SLC8A1: variants seen among roughly 807,000 people sequenced by gnomAD.
The protein encoded by SLC8A1 is solute carrier family 8 member A1.
In SLC8A1, 18 loss-of-function variants were observed where a neutral mutation model predicts 68.3. That is an observed-to-expected ratio of 0.26 (90% CI 0.18 to 0.39). The LOEUF (loss-of-function observed/expected upper bound fraction) is 0.39. SLC8A1 is among the 10% of genes least tolerant of loss of function. The probability of loss-of-function intolerance (pLI) is 1.00; values close to 1 mark genes in which losing one functional copy is unlikely to be tolerated. For synonymous variants in SLC8A1, 475 were observed against 415.5 expected, an observed-to-expected ratio of 1.14 and a Z score of -1.74; for missense variants, 985 against 1,156.7, an observed-to-expected ratio of 0.85 and a Z score of 2.15.
At chr2:40,207,991 T>G (rs186529705) in intron 2 of SLC8A1, among the ~76,000 whole-genome samples, 2,184 of 152,168 alleles carry the variant, frequency 0.014, 60 homozygotes, top group African/African-American at 0.05. Flanking sequence ...CAGACCTCCT[T>G]CACAGCCACA....
chr2:40,327,131 C>G (rs1361754570), intron 2 of SLC8A1, among the ~76,000 whole-genome samples: 1 of 152,198 alleles, frequency 6.6e-6, no homozygotes, highest in Non-Finnish European at 1.5e-5. Flanking sequence ...TTCAATCTTT[C>G]TCATATGCAT....
chr2:40,293,238 A>G (rs536060971), intron 2 of SLC8A1, among the ~76,000 whole-genome samples: 3 of 152,316 alleles, frequency 2.0e-5, no homozygotes, highest in Admixed American at 1.3e-4. Flanking sequence ...TGGTTCATCT[A>G]AAAGTCTCAC....
chr2:40,401,738 A>T (rs1401300507), intron 2 of SLC8A1, among the ~76,000 whole-genome samples: 4 of 151,996 alleles, frequency 2.6e-5, no homozygotes, highest in African/African-American at 7.2e-5. Flanking sequence ...CTATATCCCA[A>T]GTTTATGGGG....
intron 2 of SLC8A1, among the ~76,000 whole-genome samples, chr2:40,357,173 A>C (rs1000415721): frequency 6.6e-6 from 1 of 152,184 alleles, no homozygotes; most frequent in Admixed American, 6.5e-5. Flanking sequence ...CATGGAAAAA[A>C]CATTCAAAAA....
chr2:40,125,967 G>C (rs557966105), intron 7 of SLC8A1, among the ~76,000 whole-genome samples: 23 of 152,238 alleles, frequency 1.5e-4, no homozygotes, highest in Non-Finnish European at 1.5e-4. Flanking sequence ...ACTATCTGCT[G>C]TGCCTGACAA....
intron 7 of SLC8A1, among the ~76,000 whole-genome samples, chr2:40,122,201 C>T (rs1228091706): frequency 3.4e-5 from 5 of 146,116 alleles, no homozygotes; most frequent in East Asian, 4.2e-4. Context: ...AGTGCATGCG[C>T]GCGCGCACAC....
chr2:40,430,088 C>T (rs1697902992), exon 2 of SLC8A1: 1 of 1,613,770 alleles, frequency 6.2e-7, no homozygotes, highest in Non-Finnish European at 8.5e-7. Context: ...TCTTGGGGTT[C>T]CCAAATGGGC....
chr2:40,371,874 C>T (rs1447842131), intron 2 of SLC8A1, among the ~76,000 whole-genome samples: 3 of 152,022 alleles, frequency 2.0e-5, no homozygotes, highest in Admixed American at 6.6e-5. Context: ...TACGGTTTTA[C>T]AACAGAACCA....
At chr2:40,287,923 A>G (rs1321998207) in intron 2 of SLC8A1, among the ~76,000 whole-genome samples, 3 of 152,210 alleles carry the variant, frequency 2.0e-5, no homozygotes, top group East Asian at 1.9e-4. Context: ...AAGAACACGC[A>G]CGTTATGAGA....
rs148482753 is a variant in SLC8A1 at position 40,434,643 on chromosome 2, T to A, written c.-24-4339A>T. 1.3e-3 allele frequency among the ~76,000 whole-genome samples: 205 copies of A among 152,312 alleles called. 2 individuals carry two copies. Among genetic ancestry groups the A allele is most frequent in the African/African-American group, 4.8e-3 (200 of 41,578 alleles). On this transcript the variant is annotated intron_variant, in intron 1 of 7. Coordinates refer to ENST00000406785, the Ensembl canonical transcript of SLC8A1. ...GTATAGGCTGATTTTTATGGTGGAT[T>A]CAGATCAACTCGTACAACTGTGAGC...
At chr2:40,210,722 C>T (rs890181600) in intron 2 of SLC8A1, among the ~76,000 whole-genome samples, 1 of 152,152 alleles carries the variant, frequency 6.6e-6, no homozygotes, top group Non-Finnish European at 1.5e-5. Context: ...CACTTATTGT[C>T]ATTTCTGCAC....
intron 2 of SLC8A1, among the ~76,000 whole-genome samples, chr2:40,246,536 A>T (rs530905133): frequency 2.6e-5 from 4 of 152,200 alleles, no homozygotes; most frequent in African/African-American, 9.7e-5. Context: ...ACTGTGGGGT[A>T]ATCACTCTGC....
chr2:40,344,906 C>A (rs1408181788), intron 2 of SLC8A1, among the ~76,000 whole-genome samples: 1 of 152,154 alleles, frequency 6.6e-6, no homozygotes, highest in African/African-American at 2.4e-5. Flanking sequence ...CACCCAATCT[C>A]TCTTCCTCTC....
chr2:40,201,777 C>G (rs374590546), intron 2 of SLC8A1, among the ~76,000 whole-genome samples: 1 of 152,002 alleles, frequency 6.6e-6, no homozygotes, highest in African/African-American at 2.4e-5. Context: ...TTCTTGGTCC[C>G]CAAACTTACC....
At chr2:40,485,660 A>G (rs1487260618) in intron 1 of SLC8A1, among the ~76,000 whole-genome samples, 1 of 152,188 alleles carries the variant, frequency 6.6e-6, no homozygotes. Flanking sequence ...CTAAAAATGG[A>G]ATACTCTTAA....
chr2:40,456,632 A>G (rs78191520), upstream of SLC8A1, among the ~76,000 whole-genome samples: 1,983 of 152,244 alleles, frequency 0.013, 39 homozygotes, highest in African/African-American at 0.046. Flanking sequence ...TGGATCATAA[A>G]CTCTCCCTCA....
intron 1 of SLC8A1, among the ~76,000 whole-genome samples, chr2:40,502,584 T>A (rs900797852): frequency 4.7e-4 from 72 of 152,214 alleles, no homozygotes; most frequent in African/African-American, 1.6e-3. Flanking sequence ...ATAATTGCAT[T>A]TTAAAAATAT....
At chr2:40,348,533 A>G (rs1670047712) in intron 2 of SLC8A1, among the ~76,000 whole-genome samples, 1 of 152,220 alleles carries the variant, frequency 6.6e-6, no homozygotes, top group Non-Finnish European at 1.5e-5. Context: ...CGCAAGAAAC[A>G]TATGACACAA....
exon 8 of SLC8A1, chr2:40,106,741 C>T (rs571864684): frequency 6.6e-6 from 1 of 152,126 alleles, no homozygotes; most frequent in South Asian, 2.1e-4. Context: ...TGATGTTATC[C>T]TTTGCTTAGA....
Sources: allele counts gnomAD v4.1 joint callset (sites outside exome capture counted in the v4.1 genomes callset), GRCh38; gene constraint gnomAD v4.1.1; transcripts MANE v1.5; gene names NCBI Gene and HGNC (gene_info 2026-07-23, HGNC 2026-07-21).